Variants in C19orf47 observed in about 807,000 individuals in gnomAD.
C19orf47 encodes the protein uncharacterized protein C19orf47.
C19orf47 carries 18 observed loss-of-function variants against 32.3 expected under a neutral mutation model. The observed-to-expected ratio is 0.56, with a 90% CI of 0.39 to 0.83. The LOEUF (loss-of-function observed/expected upper bound fraction) is 0.83, where lower values mean the gene tolerates loss of function less well. Among genes scored for constraint, C19orf47 ranks in the 40% least tolerant of loss-of-function variants. The pLI is 0.00. For missense variants in C19orf47, 484 were observed against 531.6 expected (o/e 0.91, Z 0.88); for synonymous variants, 202 against 211.1 (o/e 0.96, Z 0.37).
chr19:40,337,971 C>T (rs897913344), intron 2 of C19orf47, among the ~76,000 whole-genome samples: 2 of 152,178 alleles, frequency 1.3e-5, no homozygotes, highest in African/African-American at 2.4e-5. Flanking sequence ...CAACAAGCAC[C>T]ACATAATGAT....
the C19orf47 span, among the ~76,000 whole-genome samples, chr19:40,301,313 TTTTATTTATTTATTTA>T: frequency 4.3e-5 from 6 of 140,294 alleles, no homozygotes; most frequent in East Asian, 6.3e-4. Flanking sequence ...CTTGAGAGGC[TTTTATTTATTTATTTA>T]TTTATTTATT....
chr19:40,310,356 G>A, the C19orf47 span, among the ~76,000 whole-genome samples: 2 of 152,212 alleles, frequency 1.3e-5, no homozygotes, highest in African/African-American at 2.4e-5. Context: ...GGGCTGGAGT[G>A]CAGTGGCATG....
At chr19:40,331,080 C>A (rs1164916076) in intron 5 of C19orf47, among the ~76,000 whole-genome samples, 1 of 152,208 alleles carries the variant, frequency 6.6e-6, no homozygotes, top group African/African-American at 2.4e-5. Flanking sequence ...CAGAAACGAA[C>A]CCTAATTTGC....
At chr19:40,336,263 A>G in intron 3 of C19orf47, 39 bp from the exon 4 acceptor site, 1 of 1,613,806 alleles carries the variant, frequency 6.2e-7, no homozygotes, top group South Asian at 1.1e-5. Flanking sequence ...CAGGTGGGCC[A>G]GAGTGGGTGG....
the C19orf47 span, among the ~76,000 whole-genome samples, chr19:40,296,739 C>G: frequency 1.3e-5 from 2 of 151,830 alleles, no homozygotes; most frequent in African/African-American, 2.4e-5. Flanking sequence ...CATGGTGAAA[C>G]CCCATCTCTA....
chr19:40,294,119 C>T, the C19orf47 span, among the ~76,000 whole-genome samples: 4 of 151,966 alleles, frequency 2.6e-5, no homozygotes, highest in African/African-American at 9.7e-5. Flanking sequence ...TAATCCGTCT[C>T]CAAAAAAAAC....
At chr19:40,344,894 A>G (rs1360018419) in intron 1 of C19orf47, among the ~76,000 whole-genome samples, 1 of 152,136 alleles carries the variant, frequency 6.6e-6, no homozygotes. Flanking sequence ...CCAAGATCAC[A>G]CAGCAAAAGG....
At chr19:40,303,803 GAAAAAAAAAA>G in the C19orf47 span, among the ~76,000 whole-genome samples, 25 of 45,338 alleles carry the variant, frequency 5.5e-4, no homozygotes, top group South Asian at 9.2e-4. Context: ...GACTTTGTCT[GAAAAAAAAAA>G]AAAAAAAAAA....
intron 7 of C19orf47, among the ~76,000 whole-genome samples, chr19:40,325,531 G>A (rs2077811551): frequency 6.6e-6 from 1 of 152,088 alleles, no homozygotes; most frequent in African/African-American, 2.4e-5. Flanking sequence ...GGGAGGCTGA[G>A]GCAGGACTGC....
chr19:40,303,019 C>T, the C19orf47 span, among the ~76,000 whole-genome samples: 1 of 152,046 alleles, frequency 6.6e-6, no homozygotes, highest in East Asian at 1.9e-4. Context: ...GGTGGGAAGA[C>T]CACCTGAGGT....
chr19:40,312,076 T>C, the C19orf47 span, among the ~76,000 whole-genome samples: 1 of 152,200 alleles, frequency 6.6e-6, no homozygotes. Flanking sequence ...CATCCAACAC[T>C]GGTGTCTTAT....
At chr19:40,295,900 C>A in the C19orf47 span, among the ~76,000 whole-genome samples, 3 of 152,096 alleles carry the variant, frequency 2.0e-5, no homozygotes, top group Non-Finnish European at 4.4e-5. Flanking sequence ...GCATGTGCCA[C>A]CACTCCTGGC....
the C19orf47 span, among the ~76,000 whole-genome samples, chr19:40,307,241 G>A: frequency 5.3e-5 from 8 of 151,316 alleles, no homozygotes; most frequent in Non-Finnish European, 1.0e-4. Flanking sequence ...GATTACAGGC[G>A]CATGCCACCA....
Position 40,320,822 on chromosome 19 carries a change from G to A in C19orf47, c.*1060C>T, listed in dbSNP as rs914473271. On this transcript the variant is annotated 3_prime_UTR_variant, in exon 9 of 9. Transcript: ENST00000683109. Reference sequence around the variant, plus strand: ...TGCCAGCAGGCAGGTGAAATCCATGGGGGGAGGGGATAGAGTGACAAAACC... The same window carrying A: ...TGCCAGCAGGCAGGTGAAATCCATGAGGGGAGGGGATAGAGTGACAAAACC... The A allele has an allele frequency of 6.6e-6, 1 of 152,406 alleles. No homozygotes were observed. Among genetic ancestry groups the A allele is most frequent in the Non-Finnish European group, 1.5e-5 (1 of 68,142 alleles). The allele number at this position is 152,406 out of a possible 1,614,324, so 9.4% of individuals were successfully genotyped here.
At position 40,321,333 on chromosome 19, in the gene C19orf47, C is replaced by T. The variant is rs915740048; in HGVS notation, c.*549G>A. 15 of 987,260 alleles carry T rather than the reference C, an allele frequency of 1.5e-5. No homozygotes were observed. The African/African-American group carries it at 1.6e-4, about 10-fold the overall frequency. 61.2% of individuals were successfully genotyped at this position (987,260 alleles called of 1,614,324 possible). On this transcript the variant is annotated 3_prime_UTR_variant, in exon 9 of 9. Coordinates refer to ENST00000683109, the MANE Select transcript of C19orf47 (RefSeq NM_001256441.2). ...GGAGGTACAGGAGGGTCGGGCAGGA[C>T]GCAGCGGACAGTCGGGCCTTGCCAC...
rs568452584 is a variant in C19orf47 at position 40,333,929 on chromosome 19, C to T, written c.223G>A (p.Asp75Asn). 4 of 1,560,506 alleles carry T rather than the reference C, an allele frequency of 2.6e-6. No homozygotes were observed. The East Asian group carries it at 7.0e-5, about 27-fold the overall frequency. ...LKHAKVVHRQ[D>N]MCKAATESVP... is the part of the protein sequence containing the mutation. ...GACTCAGTGGCAGCTTTGCACATGT[C>T]CTGTGAAAAAAGAACAGGCACCTGG... Residue 75 changes from aspartate (D) to asparagine (N), a missense_variant and splice_region_variant, in exon 5 of 9, where the codon GAC becomes AAC. This residue lies in a region of C19orf47 where 376 missense variants were observed against 370.2 expected (regional missense o/e 1.02). Transcript: ENST00000683109.
chr19:40,308,849 C>T, the C19orf47 span, among the ~76,000 whole-genome samples: 2 of 151,954 alleles, frequency 1.3e-5, no homozygotes, highest in Admixed American at 6.6e-5. Flanking sequence ...GCAGGCAGAT[C>T]GCTTGGGCCC....
intron 8 of C19orf47, among the ~76,000 whole-genome samples, chr19:40,323,174 G>C (rs2077756735): frequency 6.6e-6 from 1 of 152,222 alleles, no homozygotes; most frequent in Non-Finnish European, 1.5e-5. Flanking sequence ...AAGATTCTTG[G>C]AAGTGAGCAA....
chr19:40,328,126 C>T (rs1056994837), intron 6 of C19orf47, among the ~76,000 whole-genome samples: 2 of 152,004 alleles, frequency 1.3e-5, no homozygotes, highest in African/African-American at 4.8e-5. Flanking sequence ...AAAGCGTGAA[C>T]CCCTGAGTGA....
Sources: allele counts gnomAD v4.1 joint callset (sites outside exome capture counted in the v4.1 genomes callset), GRCh38; gene constraint gnomAD v4.1.1; regional missense constraint gnomAD v4.1.1; transcripts MANE v1.5; gene names NCBI Gene and HGNC (gene_info 2026-07-23, HGNC 2026-07-21).